Variants in IQSEC1 observed in about 807,000 individuals in gnomAD.
IQSEC1 encodes IQ motif and Sec7 domain ArfGEF 1, also known as IQ motif and SEC7 domain-containing protein 1.
A neutral mutation model predicts 91.0 loss-of-function variants in IQSEC1; 31 were observed. The ratio of observed to expected loss-of-function variants is 0.34; its 90% confidence interval spans 0.26 to 0.46. The LOEUF (loss-of-function observed/expected upper bound fraction) is 0.46. IQSEC1 is among the 20% of genes least tolerant of loss of function. IQSEC1 has a pLI of 1.00. For synonymous variants in IQSEC1, 699 were observed against 662.6 expected, an observed-to-expected ratio of 1.05 and a Z score of -0.84; for missense variants, 1,388 against 1,575.6, an observed-to-expected ratio of 0.88 and a Z score of 2.02.
chr3:12,919,108 G>GC (rs3836367), intron 6 of IQSEC1, among the ~76,000 whole-genome samples: 124,692 of 152,050 alleles, frequency 0.82, 52,065 homozygotes, highest in African/African-American at 0.96. Flanking sequence ...TGTAGAGGAG[G>GC]CCCGGCCTCC....
intron 1 of IQSEC1, among the ~76,000 whole-genome samples, chr3:13,223,198 T>C (rs760235251): frequency 2.0e-5 from 3 of 152,192 alleles, no homozygotes; most frequent in Non-Finnish European, 2.9e-5. Flanking sequence ...CAGGTCTTCA[T>C]GGAAAAGTCA....
At chr3:13,108,575 C>T (rs945321294) in intron 2 of IQSEC1, among the ~76,000 whole-genome samples, 1 of 151,984 alleles carries the variant, frequency 6.6e-6, no homozygotes, top group Admixed American at 6.6e-5. Flanking sequence ...GACGAAACAC[C>T]CCCCTACATT....
At chr3:13,053,232 C>T (rs372783332) in intron 1 of IQSEC1, 1 of 611,762 alleles carries the variant, frequency 1.6e-6, no homozygotes, top group South Asian at 1.8e-5. Context: ...CCCATCCTTC[C>T]ATGAGCTTCT....
intron 1 of IQSEC1, among the ~76,000 whole-genome samples, chr3:13,031,665 G>A (rs1460407568): frequency 1.3e-5 from 2 of 151,898 alleles, no homozygotes; most frequent in Non-Finnish European, 2.9e-5. Flanking sequence ...GTCTCATGGA[G>A]CCGACATTTG....
chr3:12,915,487 G>T (rs2125125413), intron 7 of IQSEC1, 107 bp downstream of exon 7: 2 of 1,265,804 alleles, frequency 1.6e-6, no homozygotes, highest in Non-Finnish European at 2.2e-6. Flanking sequence ...CACCAGCCCT[G>T]CTGGAAGAGA....
At chr3:13,035,282 C>A (rs1000463439) in intron 1 of IQSEC1, among the ~76,000 whole-genome samples, 1 of 152,140 alleles carries the variant, frequency 6.6e-6, no homozygotes, top group African/African-American at 2.4e-5. Context: ...TGGCCTGTGG[C>A]GATTTCTGTT....
In IQSEC1 at chr3:13,199,543, C is replaced by T. The variant is rs111756345; in HGVS notation, c.273-35410G>A. ...GCACCGGTGTCCCTGCCTGCCACTCCCCACTTGCTGTGCTGTGGTCGCCCC... is the reference window on the plus strand; with the variant it reads ...GCACCGGTGTCCCTGCCTGCCACTCTCCACTTGCTGTGCTGTGGTCGCCCC... On this transcript the variant is annotated intron_variant, in intron 1 of 15. Coordinates refer to the IQSEC1 transcript ENST00000648114. 6.9e-3 allele frequency among the ~76,000 whole-genome samples: 1,056 copies of T among 152,280 alleles called. 11 individuals are homozygous for T. The highest frequency in any genetic ancestry group is 0.024 in the African/African-American group (994 of 41,542).
chr3:12,982,441 A>T (rs1290121008), intron 1 of IQSEC1, among the ~76,000 whole-genome samples: 1 of 152,228 alleles, frequency 6.6e-6, no homozygotes, highest in Non-Finnish European at 1.5e-5. Context: ...AATATTCTAC[A>T]GCACACTTGT....
At position 13,161,362 on chromosome 3, in the gene IQSEC1, A is replaced by G. The variant is rs562110074; in HGVS notation, c.302+2742T>C. 1.7e-3 allele frequency among the ~76,000 whole-genome samples: 253 copies of G among 152,210 alleles called. 1 individual carries two copies. The highest frequency in any genetic ancestry group is 6.0e-3 in the African/African-American group (249 of 41,522). On this transcript the variant is annotated intron_variant, in intron 2 of 15. Transcript: ENST00000648114. ...CCAACCTCCCCTCTAGCGGGTCTGG[A>G]GAGGGTAGAAGCGCTCAGAGAGAAC...
At chr3:13,019,350 G>A (rs12495241) in intron 1 of IQSEC1, among the ~76,000 whole-genome samples, 6,425 of 152,302 alleles carry the variant, frequency 0.042, 185 homozygotes, top group Non-Finnish European at 0.06. Flanking sequence ...CACACCTCTC[G>A]CTTTTCCAGA....
chr3:12,922,451 C>T lies in IQSEC1; in HGVS notation c.1731-209G>A, dbSNP rs1696720530. ...TGGGGAGCCCACAAAGCCCCTGGAA[C>T]TGTAGGGAAGCGCGTGTGCCTATAT... On this transcript the variant is annotated intron_variant, in intron 4 of 13. Transcript: ENST00000613206. This position sits in a 1 kb window ranked among gnomAD's most constrained non-coding sequence, Gnocchi z 5.1. Among the ~76,000 whole-genome samples the T allele has an allele frequency of 6.6e-6, 1 of 152,210 alleles. No homozygotes were observed. The highest frequency in any genetic ancestry group is 1.5e-5 in the Non-Finnish European group (1 of 68,036).
At position 12,919,420 on chromosome 3, in the gene IQSEC1, G is replaced by T. The variant is rs958808979; in HGVS notation, c.2020+1010C>A. ...CCTAGCTCAGGTGCCATCTCCCTGA[G>T]GCCTCTGCTACCTGGGTTTCCTGCC... On this transcript the variant is annotated intron_variant, in intron 6 of 13. Transcript: ENST00000613206. 3.3e-5 allele frequency among the ~76,000 whole-genome samples: 5 copies of T among 152,206 alleles called. 1 individual carries two copies. Among genetic ancestry groups the T allele is most frequent in the Admixed American group, 1.3e-4 (2 of 15,286 alleles).
chr3:13,072,802 C>T (rs779920062), intron 1 of IQSEC1, among the ~76,000 whole-genome samples, 190 bp downstream of exon 1: 1 of 152,196 alleles, frequency 6.6e-6, no homozygotes, highest in Non-Finnish European at 1.5e-5. Context: ...TTTTTCTCAT[C>T]GTCATCACCA....
intron 2 of IQSEC1, among the ~76,000 whole-genome samples, chr3:13,159,127 G>A (rs1341706450): frequency 2.0e-5 from 3 of 152,094 alleles, no homozygotes; most frequent in East Asian, 1.9e-4. Context: ...TCATGTGGGC[G>A]CTTATTTAAA....
rs1192761848 is a variant in IQSEC1, at chr3:13,211,999, G to A, written c.273-47866C>T. Among the ~76,000 whole-genome samples, 1 of 152,190 alleles carries A rather than the reference G, an allele frequency of 6.6e-6. No homozygotes were observed. The highest frequency in any genetic ancestry group is 1.5e-5 in the Non-Finnish European group (1 of 68,034). ...CCCAGCCTCTGTGAGAGGCCCTAGCGGTGGCTCAGCAGCTCTGGAGTCAGG... is the reference window on the plus strand; with the variant it reads ...CCCAGCCTCTGTGAGAGGCCCTAGCAGTGGCTCAGCAGCTCTGGAGTCAGG... On this transcript the variant is annotated intron_variant, in intron 1 of 15. Transcript: ENST00000648114. The surrounding 1 kb of genome is among the most constrained non-coding windows in gnomAD (Gnocchi z 5.3).
rs80281839 is a variant in IQSEC1 at position 12,970,343 on chromosome 3, T to G, written c.24-28478A>C. Among the ~76,000 whole-genome samples the G allele has an allele frequency of 6.7e-3, 1,021 of 152,252 alleles. 16 individuals carry two copies. Among genetic ancestry groups the G allele is most frequent in the African/African-American group, 0.023 (963 of 41,520 alleles). ...GCCCCATGTATGGGGTCACAGGATG[T>G]AAAAAGTCATGGAGACGTTTAGTTC... is the stretch of plus-strand genomic sequence containing the variant. On this transcript the variant is annotated intron_variant, in intron 1 of 13. Transcript: ENST00000613206. This position sits in a 1 kb window ranked among gnomAD's most constrained non-coding sequence, Gnocchi z 4.4.
At chr3:12,918,775 T>C (rs1696345411) in intron 6 of IQSEC1, among the ~76,000 whole-genome samples, 1 of 152,074 alleles carries the variant, frequency 6.6e-6, no homozygotes, top group Non-Finnish European at 1.5e-5. Flanking sequence ...TGAGATATGA[T>C]TGCACCACTG....
chr3:13,217,237 A>G (rs773636570), intron 1 of IQSEC1, among the ~76,000 whole-genome samples: 3 of 152,196 alleles, frequency 2.0e-5, no homozygotes, highest in Non-Finnish European at 2.9e-5. Flanking sequence ...TCTTCTCCCA[A>G]TGAGATCCCT....
intron 1 of IQSEC1, among the ~76,000 whole-genome samples, chr3:13,051,917 G>C (rs1039886749): frequency 2.0e-5 from 3 of 152,072 alleles, no homozygotes; most frequent in Non-Finnish European, 4.4e-5. Context: ...AAAAAAAACT[G>C]TTTATTTTGA....
Sources: allele counts gnomAD v4.1 joint callset (sites outside exome capture counted in the v4.1 genomes callset), GRCh38; gene constraint gnomAD v4.1.1; non-coding constraint Gnocchi (gnomAD v3.1); transcripts MANE v1.5; gene names NCBI Gene and HGNC (gene_info 2026-07-23, HGNC 2026-07-21).